Variants in KIF13B observed in about 807,000 individuals in gnomAD.
KIF13B encodes kinesin-like protein KIF13B.
In KIF13B, 127 loss-of-function variants were observed where a neutral mutation model predicts 222.0. The observed-to-expected ratio is 0.57, with a 90% CI of 0.50 to 0.66. The LOEUF (loss-of-function observed/expected upper bound fraction) is 0.66, where lower values mean the gene tolerates loss of function less well. Ranked by LOEUF, KIF13B falls within the 30% of genes least tolerant of loss-of-function variation. The probability of loss-of-function intolerance (pLI) is 0.00; values close to 1 mark genes in which losing one functional copy is unlikely to be tolerated. For synonymous variants in KIF13B, 976 were observed against 919.0 expected (o/e 1.06, Z -1.12); for missense variants, 2,173 against 2,379.0 (o/e 0.91, Z 1.80).
intron 10 of KIF13B, among the ~76,000 whole-genome samples, chr8:29,168,484 C>T (rs868811092): frequency 3.3e-5 from 5 of 152,232 alleles, no homozygotes; most frequent in Non-Finnish European, 7.3e-5. Context: ...AGGACTTATT[C>T]ATCGGTCTCC....
chr8:29,172,464 T>C (rs1323596431), intron 10 of KIF13B, among the ~76,000 whole-genome samples: 1 of 152,234 alleles, frequency 6.6e-6, no homozygotes, highest in Admixed American at 6.5e-5. Context: ...AAAGTTGCAA[T>C]GATAACCTAA....
chr8:29,162,956 T>C lies in KIF13B; in HGVS notation c.1270-2089A>G, dbSNP rs147156639. On this transcript the variant is annotated intron_variant, in intron 12 of 39. Coordinates refer to ENST00000524189, the MANE Select transcript of KIF13B (RefSeq NM_015254.4). Reference sequence around the variant, plus strand: ...TTCCTGCTGCCGAAGCCATACATAATACATAAACAAATGAGCACAGCTATA... The same window carrying C: ...TTCCTGCTGCCGAAGCCATACATAACACATAAACAAATGAGCACAGCTATA... Among the ~76,000 whole-genome samples, 220 of 152,312 alleles carry C rather than the reference T, an allele frequency of 1.4e-3. 1 individual carries two copies. Among genetic ancestry groups the C allele is most frequent in the African/African-American group, 5.1e-3 (211 of 41,554 alleles).
At chr8:29,089,087 C>G (rs1193333730) in intron 37 of KIF13B, among the ~76,000 whole-genome samples, 3 of 152,200 alleles carry the variant, frequency 2.0e-5, no homozygotes, top group Admixed American at 2.0e-4. Flanking sequence ...GCTTCTTTCA[C>G]CTCTAAGCTG....
chr8:29,208,845 T>C (rs1300165287), intron 2 of KIF13B, among the ~76,000 whole-genome samples: 1 of 152,032 alleles, frequency 6.6e-6, no homozygotes, highest in Admixed American at 6.6e-5. Flanking sequence ...TGCTTCCAGC[T>C]CCCCCAGGCC....
intron 12 of KIF13B, among the ~76,000 whole-genome samples, chr8:29,161,086 T>A (rs532154235): frequency 2.6e-5 from 4 of 152,252 alleles, no homozygotes; most frequent in Non-Finnish European, 5.9e-5. Flanking sequence ...CTATTACATA[T>A]AGTAACTAAT....
At chr8:29,257,637 T>A (rs915468541) in intron 1 of KIF13B, among the ~76,000 whole-genome samples, 1 of 152,128 alleles carries the variant, frequency 6.6e-6, no homozygotes, top group Non-Finnish European at 1.5e-5. Flanking sequence ...TGAGACCCTA[T>A]CTCTACAAAA....
At chr8:29,093,063 T>C (rs1808373368) in intron 36 of KIF13B, among the ~76,000 whole-genome samples, 185 bp from the exon 37 acceptor site, 2 of 152,224 alleles carry the variant, frequency 1.3e-5, no homozygotes, top group Admixed American at 6.5e-5. Flanking sequence ...GTAATGTCTC[T>C]TTTTCAATTA....
At chr8:29,080,777 C>A (rs1370552150) in intron 37 of KIF13B, among the ~76,000 whole-genome samples, 1 of 152,130 alleles carries the variant, frequency 6.6e-6, no homozygotes, top group Non-Finnish European at 1.5e-5. Context: ...TGGCTGCCGA[C>A]CCCCGCCCGA....
intron 2 of KIF13B, among the ~76,000 whole-genome samples, chr8:29,235,415 T>C (rs1815465120): frequency 6.6e-6 from 1 of 152,196 alleles, no homozygotes. Context: ...TTCTGTTGTC[T>C]TGAGAAGTAC....
rs944306422 is a variant in KIF13B, at chr8:29,069,720, C to T, written c.*784G>A. 3.3e-5 allele frequency: 5 copies of T among 152,194 alleles called. No individual in the cohort carries two copies. The highest frequency in any genetic ancestry group is 5.9e-5 in the Non-Finnish European group (4 of 68,044). The allele number at this position is 152,194 out of a possible 1,614,324, so 9.4% of individuals were successfully genotyped here. ...ACACAGGCAGACGACGATTGCGGCT[C>T]GCAAATGATTTCGGATTTTGAAAAA... On this transcript the variant is annotated 3_prime_UTR_variant, in exon 40 of 40. Transcript: ENST00000524189.
rs544727247 is a variant in KIF13B at position 29,127,221 on chromosome 8, A to G, written c.3123T>C (p.Ser1041=). The G allele has an allele frequency of 6.2e-7, 1 of 1,613,954 alleles. No homozygotes were observed. Among genetic ancestry groups the G allele is most frequent in the East Asian group, 2.2e-5 (1 of 44,888 alleles). The change falls in exon 25 of 40, where the codon TCT becomes TCC. Residue 1041 remains serine (S), a synonymous_variant. Transcript: ENST00000524189. ...VQVEVKSVQE[S]GTLPLMEECI... The stretch of plus-strand genomic sequence containing the variant: ...ATTCTTCCATCAGTGGTAAAGTCCC[A>G]GATTCCTGCACTGACTTCACTTCGA...
chr8:29,113,896 A>G (rs1809474349), intron 31 of KIF13B, among the ~76,000 whole-genome samples: 1 of 152,208 alleles, frequency 6.6e-6, no homozygotes, highest in South Asian at 2.1e-4. Flanking sequence ...ATGACCTTCT[A>G]ACTAAGATGG....
At chr8:29,147,179 C>A (rs189753492) in intron 17 of KIF13B, among the ~76,000 whole-genome samples, 89 of 152,332 alleles carry the variant, frequency 5.8e-4, no homozygotes, top group Admixed American at 2.5e-3. Context: ...AATGGAGCAA[C>A]ACCTAACACC....
chr8:29,082,716 C>T (rs1037957208), intron 37 of KIF13B, among the ~76,000 whole-genome samples: 1 of 152,158 alleles, frequency 6.6e-6, no homozygotes, highest in Non-Finnish European at 1.5e-5. Flanking sequence ...GAAAATTCTA[C>T]ACATATATTT....
At chr8:29,172,462 A>G (rs2130208005) in intron 10 of KIF13B, among the ~76,000 whole-genome samples, 1 of 152,374 alleles carries the variant, frequency 6.6e-6, no homozygotes, top group East Asian at 1.9e-4. Context: ...TGAAAGTTGC[A>G]ATGATAACCT....
At chr8:29,211,048 G>C (rs867306194) in intron 2 of KIF13B, among the ~76,000 whole-genome samples, 32 of 152,156 alleles carry the variant, frequency 2.1e-4, no homozygotes, top group Non-Finnish European at 5.9e-5. Flanking sequence ...GCCTAGGAGG[G>C]GTGCAAAGAA....
At position 29,161,702 on chromosome 8, in the gene KIF13B, C is replaced by CG. The variant is rs386412452; in HGVS notation, c.1270-836_1270-835insC. ...CAGAGAAAGACTCCATCTCAAAACCCCCCCCCAAAAAAAAACAAAAAACAA... is the reference window on the plus strand; with the variant it reads ...CAGAGAAAGACTCCATCTCAAAACCCGCCCCCCAAAAAAAAACAAAAAACAA... On this transcript the variant is annotated intron_variant, in intron 12 of 39. Coordinates refer to ENST00000524189, the MANE Select transcript of KIF13B (RefSeq NM_015254.4). Among the ~76,000 whole-genome samples the CG allele has an allele frequency of 4.7e-5, 7 of 148,524 alleles. No individual in the cohort carries two copies. The South Asian group carries it at 6.5e-4, about 14-fold the overall frequency.
intron 37 of KIF13B, among the ~76,000 whole-genome samples, chr8:29,085,799 G>A (rs1250634675): frequency 1.8e-5 from 2 of 110,736 alleles, no homozygotes; most frequent in African/African-American, 3.7e-5. Context: ...ACAGTGTGCT[G>A]TGATAGCACC....
At chr8:29,166,570 G>A (rs1812008592) in intron 11 of KIF13B, among the ~76,000 whole-genome samples, 1 of 152,126 alleles carries the variant, frequency 6.6e-6, no homozygotes, top group Admixed American at 6.5e-5. Flanking sequence ...TGGGCGTGGT[G>A]GCGTGCGCCT....
Sources: gnomAD v4.1 joint callset for allele counts (sites outside exome capture counted in the v4.1 genomes callset) on GRCh38, gnomAD v4.1.1 for gene constraint, MANE v1.5 for transcripts, NCBI Gene and HGNC (gene_info 2026-07-23, HGNC 2026-07-21) for gene names.